MAGI2: variants seen among roughly 807,000 people sequenced by gnomAD.
The protein encoded by MAGI2 is membrane associated guanylate kinase, WW and PDZ domain containing 2.
Under a neutral mutation model 133.3 loss-of-function variants are expected in MAGI2, and 35 were observed. That is an observed-to-expected ratio of 0.26 (90% CI 0.20 to 0.35). The LOEUF is 0.35. Ranked by LOEUF, MAGI2 falls within the 10% of genes least tolerant of loss-of-function variation. The probability of loss-of-function intolerance (pLI) is 1.00; values close to 1 mark genes in which losing one functional copy is unlikely to be tolerated. For synonymous variants in MAGI2, 729 were observed against 710.6 expected (o/e 1.03, Z -0.41); for missense variants, 1,636 against 1,863.4 (o/e 0.88, Z 2.25).
At chr7:79,346,052 A>C (rs894084856) in intron 1 of MAGI2, among the ~76,000 whole-genome samples, 1 of 152,106 alleles carries the variant, frequency 6.6e-6, no homozygotes, top group Non-Finnish European at 1.5e-5. Context: ...GATTAAATGA[A>C]GAATAGACCT....
chr7:79,376,816 T>TTGTGTGTGTGTGTG (rs140364258), intron 1 of MAGI2, among the ~76,000 whole-genome samples: 1 of 79,874 alleles, frequency 1.3e-5, no homozygotes, highest in Non-Finnish European at 2.6e-5. Flanking sequence ...AAGAGAGGAT[T>TTGTGTGTGTGTGTG]TGTGTGTGTG....
intron 9 of MAGI2, among the ~76,000 whole-genome samples, chr7:78,280,248 T>A (rs1470352665): frequency 2.0e-5 from 3 of 152,064 alleles, no homozygotes; most frequent in African/African-American, 7.2e-5. Context: ...TTAGCTAAAC[T>A]GAGGCTCATC....
intron 1 of MAGI2, among the ~76,000 whole-genome samples, chr7:79,330,370 T>G (rs1242279278): frequency 1.3e-5 from 2 of 151,740 alleles, no homozygotes; most frequent in Non-Finnish European, 2.9e-5. Context: ...ATTTTTTTTG[T>G]ATTTTTAGTA....
At position 79,451,340 on chromosome 7, in the gene MAGI2, G is replaced by T. The variant is rs187124892; in HGVS notation, c.301+1680C>A. Among the ~76,000 whole-genome samples the T allele has an allele frequency of 6.8e-3, 1,033 of 152,248 alleles. 11 individuals are homozygous for T. Among genetic ancestry groups the T allele is most frequent in the Non-Finnish European group, 0.011 (776 of 68,022 alleles). ...TCATTAGTTGTGTAGTAGACTTTTC[G>T]TACCCAAAGATCTTTCCATTTATGT... On this transcript the variant is annotated intron_variant, in intron 1 of 21. Coordinates refer to ENST00000354212, the MANE Select transcript of MAGI2 (RefSeq NM_012301.4).
chr7:78,167,322 G>A (rs1247079906), intron 15 of MAGI2, among the ~76,000 whole-genome samples: 2 of 152,190 alleles, frequency 1.3e-5, no homozygotes, highest in African/African-American at 2.4e-5. Flanking sequence ...ACTTTGAAAA[G>A]TATGTCTTTG....
In MAGI2 at chr7:78,369,137, A is replaced by G; in HGVS notation, c.1103+19T>C. 6.4e-7 allele frequency: 1 copy of G among 1,555,506 alleles called. No homozygotes were observed. The highest frequency in any genetic ancestry group is 8.8e-7 in the Non-Finnish European group (1 of 1,139,386). On this transcript the variant is annotated intron_variant, in intron 7 of 21. Transcript: ENST00000354212. Reference sequence around the variant, plus strand: ...CACAACATATTAATAACAAGTTAATATCACACTTAGAGACTTACTCAACAT... The same window carrying G: ...CACAACATATTAATAACAAGTTAATGTCACACTTAGAGACTTACTCAACAT...
At chr7:79,304,848 G>C (rs564200984) in intron 1 of MAGI2, among the ~76,000 whole-genome samples, 2 of 152,260 alleles carry the variant, frequency 1.3e-5, no homozygotes, top group East Asian at 3.9e-4. Flanking sequence ...GCATTAAATA[G>C]TCACACTCCT....
intron 2 of MAGI2, among the ~76,000 whole-genome samples, chr7:78,720,317 T>C (rs1820139455): frequency 1.3e-5 from 2 of 152,140 alleles, no homozygotes; most frequent in Admixed American, 1.3e-4. Context: ...ACACTGAGTG[T>C]GTACTAACTC....
chr7:78,046,010 A>G (rs1357350842), intron 21 of MAGI2, among the ~76,000 whole-genome samples: 1 of 152,170 alleles, frequency 6.6e-6, no homozygotes, highest in Non-Finnish European at 1.5e-5. Flanking sequence ...CAGAACTTGA[A>G]TGATGAACAC....
rs568674990 is a variant in MAGI2, at chr7:78,327,916, T to C, written c.1408+15862A>G. 1.3e-4 allele frequency among the ~76,000 whole-genome samples: 20 copies of C among 152,246 alleles called. No homozygotes were observed. The East Asian group carries it at 3.7e-3, about 28-fold the overall frequency. On this transcript the variant is annotated intron_variant, in intron 9 of 21. Transcript: ENST00000354212. Reference sequence around the variant, plus strand: ...CCTCTGCTTGTCTCAGCAAGACATGTAGTCATAACATTAATTAATAATGCC... The same window carrying C: ...CCTCTGCTTGTCTCAGCAAGACATGCAGTCATAACATTAATTAATAATGCC...
chr7:78,077,629 CAG>C (rs1226376027), intron 21 of MAGI2, among the ~76,000 whole-genome samples: 1 of 105,400 alleles, frequency 9.5e-6, no homozygotes, highest in African/African-American at 3.9e-5. Flanking sequence ...CATTTGAACT[CAG>C]GGTATAGATC....
intron 6 of MAGI2, among the ~76,000 whole-genome samples, chr7:78,370,322 A>G (rs1033338441): frequency 6.6e-6 from 1 of 152,062 alleles, no homozygotes; most frequent in Non-Finnish European, 1.5e-5. Flanking sequence ...CAAGGATGTC[A>G]TTCAATGTGA....
rs573071396 is a variant in MAGI2, at chr7:79,218,870, T to C, written c.302-211664A>G. Among the ~76,000 whole-genome samples, 74 of 152,240 alleles carry C rather than the reference T, an allele frequency of 4.9e-4. 1 individual carries two copies. The highest frequency in any genetic ancestry group is 1.7e-3 in the African/African-American group (69 of 41,496). On this transcript the variant is annotated intron_variant, in intron 1 of 21. Transcript: ENST00000354212. ...GCATGTGAGGCCTTCGCCTATGCTA[T>C]TGCATTGAAAACATGTAATGTGTAA...
At chr7:79,328,080 A>G (rs1839825832) in intron 1 of MAGI2, among the ~76,000 whole-genome samples, 1 of 152,176 alleles carries the variant, frequency 6.6e-6, no homozygotes, top group African/African-American at 2.4e-5. Context: ...TATCAAAAAT[A>G]TCAATGTGTA....
intron 9 of MAGI2, among the ~76,000 whole-genome samples, chr7:78,317,839 A>T (rs2151112361): frequency 6.6e-6 from 1 of 152,304 alleles, no homozygotes; most frequent in East Asian, 1.9e-4. Flanking sequence ...GGTGATACCC[A>T]GGCAAACAGG....
intron 9 of MAGI2, among the ~76,000 whole-genome samples, chr7:78,305,402 C>T (rs1798172698): frequency 6.6e-6 from 1 of 152,136 alleles, no homozygotes; most frequent in African/African-American, 2.4e-5. Flanking sequence ...CTACTTGCCT[C>T]CTCAGGGTAG....
At chr7:78,072,841 T>A in intron 21 of MAGI2, 1 of 398,154 alleles carries the variant, frequency 2.5e-6, no homozygotes, top group African/African-American at 2.1e-5. Flanking sequence ...CTAATTTTTT[T>A]GTAGAGACAA....
chr7:78,882,101 A>AAAG (rs1554595692), intron 2 of MAGI2, among the ~76,000 whole-genome samples: 2 of 126,236 alleles, frequency 1.6e-5, no homozygotes, highest in East Asian at 2.2e-4. Context: ...AAAAAAAAAA[A>AAAG]AAAAAAAGAA....
At position 78,929,189 on chromosome 7, in the gene MAGI2, G is replaced by A. The variant is rs780247049; in HGVS notation, c.418+77901C>T. Among the ~76,000 whole-genome samples, 78 of 152,152 alleles carry A rather than the reference G, an allele frequency of 5.1e-4. No homozygotes were observed. The Middle Eastern group carries it at 0.014, about 27-fold the overall frequency. ...TTATAAAAAGAATAACATTTTAGATGCAACTAAAAGTAGTACAGAGAAAAT... is the reference window on the plus strand; with the variant it reads ...TTATAAAAAGAATAACATTTTAGATACAACTAAAAGTAGTACAGAGAAAAT... On this transcript the variant is annotated intron_variant, in intron 2 of 21. Coordinates refer to ENST00000354212, the MANE Select transcript of MAGI2 (RefSeq NM_012301.4).
Sources: gnomAD v4.1 joint callset for allele counts (sites outside exome capture counted in the v4.1 genomes callset) on GRCh38, gnomAD v4.1.1 for gene constraint, MANE v1.5 for transcripts, NCBI Gene and HGNC (gene_info 2026-07-23, HGNC 2026-07-21) for gene names.